COL14A1: variants seen among roughly 807,000 people sequenced by gnomAD.
COL14A1 encodes the protein collagen alpha-1(XIV) chain.
Under a neutral mutation model 230.3 loss-of-function variants are expected in COL14A1, and 136 were observed. The ratio of observed to expected loss-of-function variants is 0.59; its 90% CI spans 0.51 to 0.68. The LOEUF is 0.68. Among genes scored for constraint, COL14A1 ranks in the 30% least tolerant of loss-of-function variants. The probability of loss-of-function intolerance (pLI) is 0.00; values close to 1 mark genes in which losing one functional copy is unlikely to be tolerated. For missense variants in COL14A1, 1,976 were observed against 2,215.8 expected (o/e 0.89, Z 2.17); for synonymous variants, 792 against 784.1 (o/e 1.01, Z -0.17).
At chr8:120,134,325 A>G (rs1814639689) in intron 1 of COL14A1, among the ~76,000 whole-genome samples, 1 of 152,134 alleles carries the variant, frequency 6.6e-6, no homozygotes. Context: ...ACATAAATAG[A>G]AAATCGATAG....
intron 14 of COL14A1, among the ~76,000 whole-genome samples, chr8:120,222,484 G>A (rs1303529707): frequency 6.6e-6 from 1 of 152,144 alleles, no homozygotes; most frequent in African/African-American, 2.4e-5. Context: ...GAACTTCTAG[G>A]ATGACTTCAT....
intron 14 of COL14A1, among the ~76,000 whole-genome samples, chr8:120,216,837 A>C (rs1225443219): frequency 6.6e-6 from 1 of 152,200 alleles, no homozygotes; most frequent in East Asian, 1.9e-4. Context: ...TTCAGCATGC[A>C]GCTTCAGGGG....
intron 25 of COL14A1, among the ~76,000 whole-genome samples, 194 bp from the exon 26 acceptor site, chr8:120,269,841 C>G (rs553228434): frequency 6.6e-6 from 1 of 151,702 alleles, no homozygotes; most frequent in South Asian, 2.1e-4. Context: ...GAATAAGAAC[C>G]TTGAGTATAA....
chr8:120,244,140 C>A, intron 20 of COL14A1, 132 bp downstream of exon 20: 1 of 1,042,878 alleles, frequency 9.6e-7, no homozygotes, highest in Non-Finnish European at 1.4e-6. Context: ...GGAAATCTGT[C>A]TGCATCCTGT....
At chr8:120,312,830 C>CGT (rs1308398228) in intron 37 of COL14A1, among the ~76,000 whole-genome samples, 1 of 152,120 alleles carries the variant, frequency 6.6e-6, no homozygotes, top group Non-Finnish European at 1.5e-5. Context: ...TCCCATGTAA[C>CGT]GTGTTCACCA....
chr8:120,334,737 TG>T (rs1283882672), intron 42 of COL14A1, among the ~76,000 whole-genome samples: 2 of 152,182 alleles, frequency 1.3e-5, no homozygotes, highest in Non-Finnish European at 2.9e-5. Flanking sequence ...CTTCCCAGAA[TG>T]TGCTCCTGGG....
chr8:120,142,406 G>A (rs1194109456), intron 1 of COL14A1, among the ~76,000 whole-genome samples: 1 of 152,090 alleles, frequency 6.6e-6, no homozygotes, highest in Non-Finnish European at 1.5e-5. Flanking sequence ...GACTTTGTAG[G>A]GTTAGGGTTA....
At chr8:120,349,055 G>C (rs1295182426) in intron 45 of COL14A1, among the ~76,000 whole-genome samples, 1 of 152,180 alleles carries the variant, frequency 6.6e-6, no homozygotes, top group Non-Finnish European at 1.5e-5. Context: ...CCGGCAGACT[G>C]CCTCCTCAAG....
chr8:120,219,248 C>G (rs1817855625), intron 14 of COL14A1, among the ~76,000 whole-genome samples: 1 of 152,062 alleles, frequency 6.6e-6, no homozygotes, highest in South Asian at 2.1e-4. Flanking sequence ...TCCCGAGTAG[C>G]TGGGACTACA....
chr8:120,204,800 G>T (rs996987623), intron 9 of COL14A1, among the ~76,000 whole-genome samples: 44 of 152,172 alleles, frequency 2.9e-4, no homozygotes, highest in African/African-American at 1.1e-3. Flanking sequence ...TCACTGCTAG[G>T]TCTCCTCTGA....
At chr8:120,297,071 C>A (rs982974994) in intron 34 of COL14A1, among the ~76,000 whole-genome samples, 1 of 151,906 alleles carries the variant, frequency 6.6e-6, no homozygotes, top group Non-Finnish European at 1.5e-5. Flanking sequence ...TTCCTGAGTG[C>A]TTTTTATATG....
intron 2 of COL14A1, among the ~76,000 whole-genome samples, chr8:120,153,256 G>C (rs1025278283): frequency 6.6e-6 from 1 of 152,180 alleles, no homozygotes; most frequent in Non-Finnish European, 1.5e-5. Context: ...GCAGTGGTGC[G>C]ATCATGGCCT....
chr8:120,220,277 A>ATTT (rs34611162), intron 14 of COL14A1, among the ~76,000 whole-genome samples: 66,295 of 141,710 alleles, frequency 0.47, 15,948 homozygotes, highest in Middle Eastern at 0.57. Context: ...CATGCAATTG[A>ATTT]TTTTTTTTTT....
At chr8:120,343,508 C>G (rs1358837991) in intron 44 of COL14A1, among the ~76,000 whole-genome samples, 1 of 151,782 alleles carries the variant, frequency 6.6e-6, no homozygotes, top group Non-Finnish European at 1.5e-5. Flanking sequence ...CAAATCTCAC[C>G]CTGGAGGAGG....
rs1433080850 is a variant in COL14A1, at chr8:120,270,150, C to T, written c.3189C>T (p.Asn1063=). 6 of 1,610,816 alleles carry T rather than the reference C, an allele frequency of 3.7e-6. No individual in the cohort carries two copies. The African/African-American group carries it at 8.0e-5, about 22-fold the overall frequency. ...SFLYSTVGAL[N]KIGTDGTQVA... is the part of the protein sequence containing the mutation. ...TATACAGCACTGTTGGAGCCCTGAA[C>T]AAGATTGGCACAGATGGAACCCAAG... The change falls in exon 26 of 48, where the codon AAC becomes AAT. Residue 1063 remains asparagine (N), a synonymous_variant. Transcript: ENST00000297848.
At chr8:120,323,820 C>T (rs1821555598) in intron 40 of COL14A1, among the ~76,000 whole-genome samples, 1 of 152,086 alleles carries the variant, frequency 6.6e-6, no homozygotes, top group Admixed American at 6.6e-5. Context: ...GTTATCGTAC[C>T]TCTGTAATAC....
chr8:120,212,594 T>C lies in COL14A1; in HGVS notation c.1597+17T>C. On this transcript the variant is annotated intron_variant, in intron 13 of 47. Transcript: ENST00000297848. ...AAACAACATGTGAGCAGCACAGCCATTCAGTTGGGATGCTGTAGTAAAAGC... is the reference window on the plus strand; with the variant it reads ...AAACAACATGTGAGCAGCACAGCCACTCAGTTGGGATGCTGTAGTAAAAGC... 6.2e-7 allele frequency: 1 copy of C among 1,612,694 alleles called. No homozygotes were observed. The highest frequency in any genetic ancestry group is 1.3e-5 in the African/African-American group (1 of 74,992).
chr8:120,328,772 T>C (rs1821771627), intron 40 of COL14A1, among the ~76,000 whole-genome samples: 1 of 152,244 alleles, frequency 6.6e-6, no homozygotes, highest in Admixed American at 6.5e-5. Context: ...TATTTCCTGC[T>C]GTTCTTCCTT....
chr8:120,136,718 C>G (rs1814720566), intron 1 of COL14A1, among the ~76,000 whole-genome samples: 1 of 151,870 alleles, frequency 6.6e-6, no homozygotes. Flanking sequence ...AATCCCAGCA[C>G]TTTGGGCAGC....
Sources: allele counts gnomAD v4.1 joint callset (sites outside exome capture counted in the v4.1 genomes callset), GRCh38; gene constraint gnomAD v4.1.1; transcripts MANE v1.5; gene names NCBI Gene and HGNC (gene_info 2026-07-23, HGNC 2026-07-21).